The following MYH9 variants were observed in gnomAD, a reference collection of about 807,000 sequenced individuals.
MYH9 encodes the protein myosin heavy chain 9, also known as myosin-9.
In MYH9, 29 loss-of-function variants were observed where a neutral mutation model predicts 241.9. The observed-to-expected ratio is 0.12, with a 90% confidence interval of 0.09 to 0.16. MYH9 has a LOEUF of 0.16. Among genes scored for constraint, MYH9 ranks in the 10% least tolerant of loss-of-function variants. The pLI is 1.00. For missense variants in MYH9, 1,803 were observed against 2,595.5 expected, an observed-to-expected ratio of 0.69 and a Z score of 6.63; for synonymous variants, 1,047 against 1,062.6, an observed-to-expected ratio of 0.99 and a Z score of 0.29.
chr22:36,285,546 C>A lies in MYH9; in HGVS notation c.5274+112G>T. The A allele has an allele frequency of 6.5e-7, 1 of 1,528,370 alleles. No homozygotes were observed. The highest frequency in any genetic ancestry group is 1.2e-5 in the South Asian group (1 of 86,736). The allele number at this position is 1,528,370 out of a possible 1,614,324, so 94.7% of individuals were successfully genotyped here. ...AGGTGCCTGGACATTTTCCCCTAAG[C>A]GCCTGGGGAGCAGCTGGCACTTGGC... On this transcript the variant is annotated intron_variant, in intron 37 of 40. Coordinates refer to ENST00000216181, the MANE Select transcript of MYH9 (RefSeq NM_002473.6). The surrounding 1 kb of genome is among the most constrained non-coding windows in gnomAD (Gnocchi z 7.0).
chr22:36,285,614 T>G lies in MYH9; in HGVS notation c.5274+44A>C, dbSNP rs146078436. ...GGGTCCAAGGCCAGCTCTGCCGTGG[T>G]GGCTCCAGCCAGAGCCCAGAGTGGG... On this transcript the variant is annotated intron_variant, in intron 37 of 40. Coordinates refer to ENST00000216181, the MANE Select transcript of MYH9 (RefSeq NM_002473.6). This position sits in a 1 kb window ranked among gnomAD's most constrained non-coding sequence, Gnocchi z 7.0. 1 of 1,610,264 alleles carries G rather than the reference T, an allele frequency of 6.2e-7. No individual in the cohort carries two copies. The highest frequency in any genetic ancestry group is 8.5e-7 in the Non-Finnish European group (1 of 1,179,862).
chr22:36,366,818 C>A (rs2146411968), intron 1 of MYH9, among the ~76,000 whole-genome samples: 1 of 152,278 alleles, frequency 6.6e-6, no homozygotes, highest in South Asian at 2.1e-4. Flanking sequence ...TGTGCTGGAG[C>A]TACAGTGATG....
At chr22:36,299,145 G>A in intron 23 of MYH9, 103 bp from the exon 24 acceptor site, 2 of 1,443,390 alleles carry the variant, frequency 1.4e-6, no homozygotes, top group Non-Finnish European at 1.9e-6. Flanking sequence ...GAATGGAGAG[G>A]GCTTTAGACG....
At position 36,285,663 on chromosome 22, in the gene MYH9, G is replaced by T. The variant is rs778663396; in HGVS notation, c.5269C>A (p.Leu1757Met). ...GGAGAAGTCCTGGCACCCACCTGCA[G>T]GTTGGCCTTCTTCAGCCGGTCGTTG... Reference protein sequence around the residue: ...LINDRLKKANLQIDQINTDLN... With the variant: ...LINDRLKKANMQIDQINTDLN... Residue 1757 changes from leucine (L) to methionine (M), a missense_variant, in exon 37 of 41, where the codon CTG (leucine) becomes ATG (methionine). Physicochemically the swap from Leu to Met is conservative, Grantham distance 15. This residue lies in a region of MYH9 where 876 missense variants were observed against 1,077.8 expected (regional missense o/e 0.81). Coordinates refer to ENST00000216181, the MANE Select transcript of MYH9 (RefSeq NM_002473.6). The surrounding 1 kb of genome is among the most constrained non-coding windows in gnomAD (Gnocchi z 7.0). The T allele has an allele frequency of 2.5e-6, 4 of 1,612,368 alleles. No homozygotes were observed. The highest frequency in any genetic ancestry group is 3.4e-6 in the Non-Finnish European group (4 of 1,180,010).
chr22:36,355,532 C>A (rs529026644), intron 1 of MYH9, among the ~76,000 whole-genome samples: 2 of 152,302 alleles, frequency 1.3e-5, no homozygotes, highest in Admixed American at 6.5e-5. Context: ...CACTCCCAGA[C>A]AACGAGGGCT....
chr22:36,297,247 T>C (rs1293016905), intron 24 of MYH9: 2 of 577,176 alleles, frequency 3.5e-6, no homozygotes, highest in African/African-American at 3.7e-5. Context: ...CTGCCAGGAA[T>C]TAAGTACTCT....
rs2016745703 is a variant in MYH9 at position 36,293,861 on chromosome 22, C to T, written c.3840G>A (p.Val1280=). 1 of 1,612,898 alleles carries T rather than the reference C, an allele frequency of 6.2e-7. No homozygotes were observed. Among genetic ancestry groups the T allele is most frequent in the Non-Finnish European group, 8.5e-7 (1 of 1,179,638 alleles). ...ELADKVTKLQ[V]ELDNVTGLLS... ...GAAGCCCGGTCACGTTGTCCAGCTCCACCTGCACCGGGCGGGGAGACACAA... is the reference window on the plus strand; with the variant it reads ...GAAGCCCGGTCACGTTGTCCAGCTCTACCTGCACCGGGCGGGGAGACACAA... The change falls in exon 29 of 41, where the codon GTG becomes GTA. Residue 1280 remains valine (V), a splice_region_variant and synonymous_variant. Transcript: ENST00000216181. This position sits in a 1 kb window ranked among gnomAD's most constrained non-coding sequence, Gnocchi z 5.1.
At chr22:36,323,993 G>T (rs2017296339) in intron 5 of MYH9, among the ~76,000 whole-genome samples, 1 of 152,230 alleles carries the variant, frequency 6.6e-6, no homozygotes, top group Non-Finnish European at 1.5e-5. Context: ...AGCCAGACTT[G>T]GATGAGAATG....
intron 1 of MYH9, among the ~76,000 whole-genome samples, chr22:36,362,081 A>G (rs1226438895): frequency 1.3e-5 from 2 of 152,154 alleles, no homozygotes; most frequent in East Asian, 3.9e-4. Context: ...AAATAAAAAA[A>G]ACAGAAATCA....
At chr22:36,328,637 G>A (rs548123382) in intron 3 of MYH9, among the ~76,000 whole-genome samples, 3 of 152,374 alleles carry the variant, frequency 2.0e-5, no homozygotes, top group East Asian at 1.9e-4. Flanking sequence ...TGTAAAGACA[G>A]TAAGCTCCAC....
intron 10 of MYH9, among the ~76,000 whole-genome samples, chr22:36,319,318 T>C (rs1436997035): frequency 6.6e-6 from 1 of 152,186 alleles, no homozygotes; most frequent in Non-Finnish European, 1.5e-5. Flanking sequence ...AGGGAAGCCC[T>C]GGTCCACATG....
rs145429636 is a variant in MYH9 at position 36,293,871 on chromosome 22, G to A, written c.3838-8C>T. ...CACGTTGTCCAGCTCCACCTGCACCGGGCGGGGAGACACAAAGGACCATGG... is the reference window on the plus strand; with the variant it reads ...CACGTTGTCCAGCTCCACCTGCACCAGGCGGGGAGACACAAAGGACCATGG... On this transcript the variant is annotated splice_region_variant and splice_polypyrimidine_tract_variant and intron_variant, in intron 28 of 40. Transcript: ENST00000216181. This position sits in a 1 kb window ranked among gnomAD's most constrained non-coding sequence, Gnocchi z 5.1. 4.0e-3 allele frequency: 6,407 copies of A among 1,610,612 alleles called. 243 individuals are homozygous for A. In the African/African-American group the frequency reaches 0.075, roughly 19 times the overall value.
At chr22:36,369,257 C>T (rs1169062898) in intron 1 of MYH9, among the ~76,000 whole-genome samples, 1 of 152,180 alleles carries the variant, frequency 6.6e-6, no homozygotes, top group Non-Finnish European at 1.5e-5. Context: ...AGAACTAACC[C>T]CAGGTAGAGT....
Position 36,285,815 on chromosome 22 carries a change from C to G in MYH9, c.5151-34G>C. On this transcript the variant is annotated intron_variant, in intron 36 of 40. Coordinates refer to ENST00000216181, the MANE Select transcript of MYH9 (RefSeq NM_002473.6). This position sits in a 1 kb window ranked among gnomAD's most constrained non-coding sequence, Gnocchi z 7.0. ...TGGGCGGGAGAAGTGAGGGGCCTAC[C>G]CTGGGGACACACCTGGTCCCCCCCA... 1.2e-6 allele frequency: 2 copies of G among 1,613,108 alleles called. No individual in the cohort carries two copies. Among genetic ancestry groups the G allele is most frequent in the Non-Finnish European group, 1.7e-6 (2 of 1,179,812 alleles).
At position 36,302,270 on chromosome 22, in the gene MYH9, G is replaced by A. The variant is rs148632358; in HGVS notation, c.2499+298C>T. On this transcript the variant is annotated intron_variant, in intron 20 of 40. Coordinates refer to ENST00000216181, the MANE Select transcript of MYH9 (RefSeq NM_002473.6). ...TATGTATTATACACAAAAGCAGCCC[G>A]GACAAGTTTAAAAATAAAGAGATTT... 8.1e-4 allele frequency: 284 copies of A among 351,754 alleles called. 5 individuals carry two copies. Among genetic ancestry groups the A allele is most frequent in the East Asian group, 4.6e-3 (75 of 16,140 alleles). 21.8% of individuals were successfully genotyped at this position (351,754 alleles called of 1,614,324 possible). A position where few individuals can be genotyped will look rare whatever the true frequency, so the allele number is the denominator to read the frequency against.
intron 3 of MYH9, among the ~76,000 whole-genome samples, chr22:36,333,545 A>T (rs1163731437): frequency 6.6e-6 from 1 of 152,250 alleles, no homozygotes; most frequent in East Asian, 1.9e-4. Flanking sequence ...TATGGAGTTT[A>T]TGATCAAGGT....
In MYH9 at chr22:36,285,796, G is replaced by A. The variant is rs1189185635; in HGVS notation, c.5151-15C>T. 3.7e-6 allele frequency: 6 copies of A among 1,610,368 alleles called. No homozygotes were observed. The highest frequency in any genetic ancestry group is 1.7e-4 in the Middle Eastern group (1 of 5,770). Reference sequence around the variant, plus strand: ...ACGCCAGGGCTCTGCGGGGTGGGCGGGAGAAGTGAGGGGCCTACCCTGGGG... The same window carrying A: ...ACGCCAGGGCTCTGCGGGGTGGGCGAGAGAAGTGAGGGGCCTACCCTGGGG... On this transcript the variant is annotated splice_polypyrimidine_tract_variant and intron_variant, in intron 36 of 40. Coordinates refer to ENST00000216181, the MANE Select transcript of MYH9 (RefSeq NM_002473.6). The surrounding 1 kb of genome is among the most constrained non-coding windows in gnomAD (Gnocchi z 7.0).
intron 20 of MYH9, chr22:36,302,221 T>C (rs2016889561): frequency 3.5e-6 from 1 of 287,252 alleles, no homozygotes; most frequent in Non-Finnish European, 6.8e-6. Context: ...TTTTGTGAGT[T>C]GGTTTTTCGC....
intron 1 of MYH9, among the ~76,000 whole-genome samples, chr22:36,383,211 C>A (rs2018286297): frequency 6.6e-6 from 1 of 152,126 alleles, no homozygotes; most frequent in African/African-American, 2.4e-5. Context: ...CAGAGCAAGA[C>A]CCTGCTTCAA....
Sources: allele counts gnomAD v4.1 joint callset (sites outside exome capture counted in the v4.1 genomes callset), GRCh38; gene constraint gnomAD v4.1.1; regional missense constraint gnomAD v4.1.1; non-coding constraint Gnocchi (gnomAD v3.1); transcripts MANE v1.5; gene names NCBI Gene and HGNC (gene_info 2026-07-23, HGNC 2026-07-21).